UBASH3B: variants seen among roughly 807,000 people sequenced by gnomAD.
The protein encoded by UBASH3B is ubiquitin associated and SH3 domain containing B, also known as ubiquitin-associated and SH3 domain-containing protein B.
In UBASH3B, 37 loss-of-function variants were observed where a neutral mutation model predicts 83.4. That is an observed-to-expected ratio of 0.44 (90% confidence interval 0.34 to 0.58). The LOEUF is 0.58. UBASH3B is among the 20% of genes least tolerant of loss of function. The probability of loss-of-function intolerance (pLI) is 0.01; values close to 1 mark genes in which losing one functional copy is unlikely to be tolerated. For missense variants in UBASH3B, 657 were observed against 827.2 expected (o/e 0.79, Z 2.52); for synonymous variants, 304 against 318.3 (o/e 0.96, Z 0.48).
At chr11:122,704,762 G>A (rs1050013419) in intron 1 of UBASH3B, among the ~76,000 whole-genome samples, 7 of 151,848 alleles carry the variant, frequency 4.6e-5, no homozygotes, top group Admixed American at 2.6e-4. Flanking sequence ...TGCCCGCCTC[G>A]GCCTCCCAAA....
In UBASH3B at chr11:122,758,046, C is replaced by T. The variant is rs991245684; in HGVS notation, c.162-18173C>T. Among the ~76,000 whole-genome samples, 8 of 152,170 alleles carry T rather than the reference C, an allele frequency of 5.3e-5. No homozygotes were observed. Among genetic ancestry groups the T allele is most frequent in the Non-Finnish European group, 1.2e-4 (8 of 68,046 alleles). Reference sequence around the variant, plus strand: ...AAACACTCAACCACTCCTTTTGAGTCGAAGCTTCCTGGGGGCCCTTCGTCT... The same window carrying T: ...AAACACTCAACCACTCCTTTTGAGTTGAAGCTTCCTGGGGGCCCTTCGTCT... On this transcript the variant is annotated intron_variant, in intron 1 of 13. Coordinates refer to ENST00000284273, the MANE Select transcript of UBASH3B (RefSeq NM_032873.5). This position sits in a 1 kb window ranked among gnomAD's most constrained non-coding sequence, Gnocchi z 4.2.
intron 1 of UBASH3B, among the ~76,000 whole-genome samples, chr11:122,694,890 T>C (rs1336992032): frequency 1.3e-5 from 2 of 151,724 alleles, no homozygotes; most frequent in Admixed American, 1.3e-4. Flanking sequence ...TGCCAGGGTA[T>C]GCCATCCACC....
chr11:122,770,866 A>T lies in UBASH3B; in HGVS notation c.162-5353A>T, dbSNP rs190030995. ...GTCACTGCCTCAGTTCAACCTCTCA[A>T]TGTGTTCTTCCCACCTATTGTCAAG... On this transcript the variant is annotated intron_variant, in intron 1 of 13. Coordinates refer to ENST00000284273, the MANE Select transcript of UBASH3B (RefSeq NM_032873.5). 7.2e-5 allele frequency among the ~76,000 whole-genome samples: 11 copies of T among 152,228 alleles called. No individual in the cohort carries two copies. In the East Asian group the frequency reaches 1.2e-3, roughly 16 times the overall value.
At position 122,790,809 on chromosome 11, in the gene UBASH3B, G is replaced by A. The variant is rs553061568; in HGVS notation, c.980+1501G>A. 1.9e-3 allele frequency among the ~76,000 whole-genome samples: 283 copies of A among 152,130 alleles called. 1 individual carries two copies. The highest frequency in any genetic ancestry group is 2.6e-3 in the Non-Finnish European group (180 of 68,000). On this transcript the variant is annotated intron_variant, in intron 6 of 13. Transcript: ENST00000284273. ...CAAAAATAAAAAAAAAAATCAGCTGGGCGTGGTGGCATACACCTGTAGTCC... is the reference window on the plus strand; with the variant it reads ...CAAAAATAAAAAAAAAAATCAGCTGAGCGTGGTGGCATACACCTGTAGTCC...
At chr11:122,782,290 TAGGTAG>T (rs1860869062) in intron 4 of UBASH3B, 1 of 150,772 alleles carries the variant, frequency 6.6e-6, no homozygotes, top group Non-Finnish European at 1.5e-5. Flanking sequence ...TTCCCTCCTA[TAGGTAG>T]GGTTGTTTTG....
Position 122,682,954 on chromosome 11 carries a change from T to C in UBASH3B, c.161+26744T>C, listed in dbSNP as rs146635859. On this transcript the variant is annotated intron_variant, in intron 1 of 13. Coordinates refer to ENST00000284273, the MANE Select transcript of UBASH3B (RefSeq NM_032873.5). ...CCACCCTCCCCATATAATTTTGAAT[T>C]AAATTTTAGAGTGAGGCATGGTGGC... is the stretch of plus-strand genomic sequence containing the variant. 6.0e-3 allele frequency among the ~76,000 whole-genome samples: 920 copies of C among 152,274 alleles called. 5 individuals are homozygous for C. The highest frequency in any genetic ancestry group is 0.021 in the African/African-American group (862 of 41,548).
intron 1 of UBASH3B, among the ~76,000 whole-genome samples, chr11:122,676,268 G>C (rs1371923884): frequency 1.3e-5 from 2 of 152,076 alleles, no homozygotes; most frequent in Admixed American, 6.6e-5. Context: ...GGCTGGGCAG[G>C]ATGACTCACA....
At chr11:122,770,140 C>T (rs1363423068) in intron 1 of UBASH3B, among the ~76,000 whole-genome samples, 1 of 152,178 alleles carries the variant, frequency 6.6e-6, no homozygotes, top group East Asian at 1.9e-4. Context: ...ATGCATGGAG[C>T]AGGTACAGTG....
chr11:122,782,964 CAG>C, intron 4 of UBASH3B, 87 bp from the exon 5 acceptor site: 1 of 1,457,168 alleles, frequency 6.9e-7, no homozygotes, highest in South Asian at 1.4e-5. Flanking sequence ...CAGAATTTCT[CAG>C]GGTACCTTTC....
At chr11:122,699,145 C>G (rs1008850234) in intron 1 of UBASH3B, among the ~76,000 whole-genome samples, 1 of 152,198 alleles carries the variant, frequency 6.6e-6, no homozygotes, top group Non-Finnish European at 1.5e-5. Context: ...CCACTGCGCC[C>G]GGATTGGGAT....
intron 1 of UBASH3B, among the ~76,000 whole-genome samples, chr11:122,656,692 GC>G (rs1407060462): frequency 6.6e-6 from 1 of 152,220 alleles, no homozygotes; most frequent in Non-Finnish European, 1.5e-5. Context: ...CCCCGTTGCA[GC>G]GGCTTCCAGC....
chr11:122,737,910 A>G lies in UBASH3B; in HGVS notation c.162-38309A>G, dbSNP rs565884933. ...CTGGGATTACCCGGAGAGAATGAGT[A>G]GAATGTATGGAGAAAGACTGGACAG... On this transcript the variant is annotated intron_variant, in intron 1 of 13. Transcript: ENST00000284273. Among the ~76,000 whole-genome samples the G allele has an allele frequency of 4.6e-5, 7 of 152,322 alleles. No individual in the cohort carries two copies. In the South Asian group the frequency reaches 1.4e-3, roughly 32 times the overall value.
rs1426016803 is a variant in UBASH3B at position 122,655,870 on chromosome 11, C to T, written c.-180C>T. Reference sequence around the variant, plus strand: ...CTTGCCGGCGTTCTGGCTCCTGTGGCCTCACCAGGAAGCGTCAGAGTCCCG... The same window carrying T: ...CTTGCCGGCGTTCTGGCTCCTGTGGTCTCACCAGGAAGCGTCAGAGTCCCG... On this transcript the variant is annotated 5_prime_UTR_variant, in exon 1 of 14. Transcript: ENST00000284273. 3.4e-5 allele frequency: 22 copies of T among 652,242 alleles called. No individual in the cohort carries two copies. The Admixed American group carries it at 8.7e-4, about 26-fold the overall frequency. 40.4% of individuals were successfully genotyped at this position (652,242 alleles called of 1,614,324 possible).
chr11:122,757,741 G>A (rs1344990526), intron 1 of UBASH3B, among the ~76,000 whole-genome samples: 1 of 120,798 alleles, frequency 8.3e-6, no homozygotes, highest in Non-Finnish European at 1.6e-5. Context: ...TTGAGACAGA[G>A]TCTCACTCTG....
intron 4 of UBASH3B, among the ~76,000 whole-genome samples, chr11:122,781,863 AC>A (rs1458623247): frequency 6.6e-6 from 1 of 152,236 alleles, no homozygotes; most frequent in Non-Finnish European, 1.5e-5. Flanking sequence ...TAAGCGAGAG[AC>A]AAAAACCTTG....
chr11:122,739,120 C>T lies in UBASH3B; in HGVS notation c.162-37099C>T, dbSNP rs532232689. 2.6e-5 allele frequency among the ~76,000 whole-genome samples: 4 copies of T among 152,194 alleles called. No homozygotes were observed. The South Asian group carries it at 8.3e-4, about 32-fold the overall frequency. On this transcript the variant is annotated intron_variant, in intron 1 of 13. Transcript: ENST00000284273. ...CTCAGGGATCCTCCTGCCTCAGCCTCCTGAGTAGCTGAGACTACAGCATGT... is the reference window on the plus strand; with the variant it reads ...CTCAGGGATCCTCCTGCCTCAGCCTTCTGAGTAGCTGAGACTACAGCATGT...
intron 1 of UBASH3B, among the ~76,000 whole-genome samples, chr11:122,708,197 C>G (rs1864149230): frequency 6.6e-6 from 1 of 151,870 alleles, no homozygotes; most frequent in Non-Finnish European, 1.5e-5. Context: ...CTTCAACATG[C>G]TAGAGAAGAG....
At chr11:122,742,656 G>A (rs1251458851) in intron 1 of UBASH3B, among the ~76,000 whole-genome samples, 3 of 152,214 alleles carry the variant, frequency 2.0e-5, no homozygotes, top group Admixed American at 1.3e-4. Context: ...CCTTGGTCAG[G>A]AATATAGCAC....
intron 1 of UBASH3B, among the ~76,000 whole-genome samples, chr11:122,750,838 T>C (rs1193710319): frequency 6.6e-6 from 1 of 152,224 alleles, no homozygotes; most frequent in Non-Finnish European, 1.5e-5. Flanking sequence ...AAGACGCAAA[T>C]GCTTGCCCCT....
Sources: gnomAD v4.1 joint callset for allele counts (sites outside exome capture counted in the v4.1 genomes callset) on GRCh38, gnomAD v4.1.1 for gene constraint, Gnocchi (gnomAD v3.1) non-coding constraint, MANE v1.5 for transcripts, NCBI Gene and HGNC (gene_info 2026-07-23, HGNC 2026-07-21) for gene names.